The following ARHGEF10L variants were observed in gnomAD, a reference collection of about 807,000 sequenced individuals.
ARHGEF10L encodes Rho guanine nucleotide exchange factor 10 like, also known as rho guanine nucleotide exchange factor 10-like protein.
In ARHGEF10L, 69 loss-of-function variants were observed where a neutral mutation model predicts 141.2. That is an observed-to-expected ratio of 0.49 (90% CI 0.40 to 0.60). The LOEUF (loss-of-function observed/expected upper bound fraction) is 0.60. ARHGEF10L is among the 20% of genes least tolerant of loss of function. The pLI is 0.00. For missense variants in ARHGEF10L, 1,482 were observed against 1,734.3 expected (o/e 0.85, Z 2.58); for synonymous variants, 711 against 718.5 (o/e 0.99, Z 0.17).
At chr1:17,543,380 C>T (rs914471188) in intron 1 of ARHGEF10L, among the ~76,000 whole-genome samples, 1 of 152,004 alleles carries the variant, frequency 6.6e-6, no homozygotes, top group African/African-American at 2.4e-5. Context: ...GTCGGGAGTT[C>T]GAGACTAGCC....
chr1:17,572,162 C>CG (rs1003332652), intron 1 of ARHGEF10L, among the ~76,000 whole-genome samples: 6 of 152,160 alleles, frequency 3.9e-5, no homozygotes, highest in Admixed American at 1.3e-4. Context: ...TCTTTGCTTG[C>CG]GGGGGTCAGT....
chr1:17,614,607 C>T (rs2059709056), intron 8 of ARHGEF10L, among the ~76,000 whole-genome samples: 1 of 152,104 alleles, frequency 6.6e-6, no homozygotes, highest in Admixed American at 6.5e-5. Flanking sequence ...CCCCTCCTCC[C>T]ACCCCCCAAC....
rs962180790 is a variant in ARHGEF10L, at chr1:17,569,776, G to C, written c.-43-10777G>C. On this transcript the variant is annotated intron_variant, in intron 1 of 28. Transcript: ENST00000361221. Reference sequence around the variant, plus strand: ...CTGGGGTATGTGCCTGCCTGGTGACGGTGGCAGCCGCGGAGGCTCGCGGAT... The same window carrying C: ...CTGGGGTATGTGCCTGCCTGGTGACCGTGGCAGCCGCGGAGGCTCGCGGAT... Among the ~76,000 whole-genome samples, 5 of 152,226 alleles carry C rather than the reference G, an allele frequency of 3.3e-5. No homozygotes were observed. The South Asian group carries it at 8.3e-4, about 25-fold the overall frequency.
chr1:17,679,225 G>A (rs2063922102), intron 26 of ARHGEF10L, among the ~76,000 whole-genome samples: 1 of 152,194 alleles, frequency 6.6e-6, no homozygotes, highest in Non-Finnish European at 1.5e-5. Context: ...CTGGGAAGAG[G>A]TGGACTGGTC....
At chr1:17,668,629 G>A (rs530004555) in intron 26 of ARHGEF10L, among the ~76,000 whole-genome samples, 88 of 152,328 alleles carry the variant, frequency 5.8e-4, no homozygotes, top group African/African-American at 2.1e-3. Context: ...TGGCTGGAGG[G>A]AGGCGAGATG....
rs989898809 is a variant in ARHGEF10L at position 17,636,262 on chromosome 1, G to A, written c.1927+1246G>A. Among the ~76,000 whole-genome samples the A allele has an allele frequency of 2.0e-5, 3 of 152,150 alleles. No homozygotes were observed. In the East Asian group the frequency reaches 5.8e-4, roughly 29 times the overall value. On this transcript the variant is annotated intron_variant, in intron 18 of 28. Coordinates refer to ENST00000361221, the MANE Select transcript of ARHGEF10L (RefSeq NM_018125.4). ...ATTCCTCAAACCAGAGTCACGTACT[G>A]CCAGACCCCTTCGAAAGGGGAAAGA...
In ARHGEF10L at chr1:17,634,897, C is replaced by T. The variant is rs143147822; in HGVS notation, c.1808C>T (p.Thr603Met). 106 of 1,613,962 alleles carry T rather than the reference C, an allele frequency of 6.6e-5. No individual in the cohort carries two copies. Among genetic ancestry groups the T allele is most frequent in the Middle Eastern group, 1.6e-4 (1 of 6,084 alleles). Residue 603 changes from threonine (T) to methionine (M), a missense_variant, in exon 18 of 29, where the codon ACG (threonine) becomes ATG (methionine). This residue lies in a region of ARHGEF10L where 858 missense variants were observed against 966.3 expected (regional missense o/e 0.89). Transcript: ENST00000361221. The part of the protein sequence containing the change: ...LGPKYVVKWN[T>M]ALPQVQVVEV... ...CCCAAGTATGTGGTGAAGTGGAACACGGCGCTGCCCCAGGTGCAGGTGGTG... is the reference window on the plus strand; with the variant it reads ...CCCAAGTATGTGGTGAAGTGGAACATGGCGCTGCCCCAGGTGCAGGTGGTG...
chr1:17,604,006 G>A (rs755840776), intron 6 of ARHGEF10L, among the ~76,000 whole-genome samples: 1 of 152,192 alleles, frequency 6.6e-6, no homozygotes, highest in Non-Finnish European at 1.5e-5. Context: ...TGGGCAGGCA[G>A]GCAGGCGATT....
At chr1:17,660,148 G>A (rs964075191) in intron 25 of ARHGEF10L, among the ~76,000 whole-genome samples, 6 of 152,246 alleles carry the variant, frequency 3.9e-5, no homozygotes, top group African/African-American at 1.4e-4. Context: ...TGTCCTTGCT[G>A]GCGTGCTACC....
chr1:17,565,853 C>T (rs1266072338), intron 1 of ARHGEF10L, among the ~76,000 whole-genome samples: 7 of 152,138 alleles, frequency 4.6e-5, no homozygotes, highest in Admixed American at 4.6e-4. Flanking sequence ...ACATATTCCC[C>T]CTCCCTCCCT....
In ARHGEF10L at chr1:17,634,891, G is replaced by A. The variant is rs2060909590; in HGVS notation, c.1802G>A (p.Trp601Ter). ...CTGGGGCCCAAGTATGTGGTGAAGT[G>A]GAACACGGCGCTGCCCCAGGTGCAG... ...VPLGPKYVVK[W>*]NTALPQVQVV... Residue 601 changes from tryptophan to a stop codon, truncating the protein, a stop_gained, in exon 18 of 29, where the codon TGG becomes TAG. Coordinates refer to ENST00000361221, the MANE Select transcript of ARHGEF10L (RefSeq NM_018125.4). LOFTEE classifies it high-confidence loss of function. The A allele has an allele frequency of 1.2e-6, 2 of 1,614,116 alleles. No homozygotes were observed. Among genetic ancestry groups the A allele is most frequent in the Non-Finnish European group, 1.7e-6 (2 of 1,179,988 alleles).
At position 17,561,931 on chromosome 1, in the gene ARHGEF10L, A is replaced by G. The variant is rs114105913; in HGVS notation, c.-43-18622A>G. ...CCAAGGGAGGCCGAGCAAAGGCATC[A>G]GAGCTGCACAGACCTGGGCCATAGC... On this transcript the variant is annotated intron_variant, in intron 1 of 28. Transcript: ENST00000361221. Among the ~76,000 whole-genome samples the G allele has an allele frequency of 6.0e-3, 908 of 152,354 alleles. 9 individuals are homozygous for G. Among genetic ancestry groups the G allele is most frequent in the African/African-American group, 0.021 (853 of 41,578 alleles).
intron 16 of ARHGEF10L, 61 bp downstream of exon 16, chr1:17,632,527 C>T (rs1332361692): frequency 3.1e-6 from 5 of 1,605,710 alleles, no homozygotes; most frequent in Non-Finnish European, 4.3e-6. Context: ...TCCCGCCCTA[C>T]TCCAGTCTCT....
intron 16 of ARHGEF10L, among the ~76,000 whole-genome samples, chr1:17,633,630 G>A (rs1473424466): frequency 6.6e-6 from 1 of 152,112 alleles, no homozygotes; most frequent in Non-Finnish European, 1.5e-5. Context: ...GGGATTACAG[G>A]CGTAAGCCAC....
chr1:17,679,902 C>T lies in ARHGEF10L; in HGVS notation c.3010-7671C>T, dbSNP rs1035411538. ...TGATCGTGGGTGATCTCTGGGCCCA[C>T]GACTGTGTCTCCCAGGGCCAGCTCG... On this transcript the variant is annotated intron_variant, in intron 26 of 28. Transcript: ENST00000361221. 4.6e-5 allele frequency among the ~76,000 whole-genome samples: 7 copies of T among 152,112 alleles called. No individual in the cohort carries two copies. In the East Asian group the frequency reaches 7.7e-4, roughly 17 times the overall value.
At position 17,667,207 on chromosome 1, in the gene ARHGEF10L, G is replaced by C. The variant is rs1001464594; in HGVS notation, c.3009+2612G>C. On this transcript the variant is annotated intron_variant, in intron 26 of 28. Transcript: ENST00000361221. ...CAGGGCAGTGGTGTGAGGAGGAAAG[G>C]AGGCCCAGCCTGCTCTGGGGGTCTC... Among the ~76,000 whole-genome samples, 10 of 152,228 alleles carry C rather than the reference G, an allele frequency of 6.6e-5. 1 individual carries two copies. Among genetic ancestry groups the C allele is most frequent in the African/African-American group, 2.4e-4 (10 of 41,474 alleles).
intron 1 of ARHGEF10L, among the ~76,000 whole-genome samples, chr1:17,549,516 C>G (rs368188486): frequency 6.6e-6 from 1 of 152,048 alleles, no homozygotes; most frequent in East Asian, 1.9e-4. Flanking sequence ...AGGGAGGCCT[C>G]TCTGAAGAGA....
At chr1:17,606,614 T>A (rs941998968) in intron 6 of ARHGEF10L, among the ~76,000 whole-genome samples, 8 of 150,812 alleles carry the variant, frequency 5.3e-5, no homozygotes, top group African/African-American at 1.7e-4. Flanking sequence ...TTTTTTTTTT[T>A]TAAAAAAACA....
chr1:17,570,950 TC>T (rs905540653), intron 1 of ARHGEF10L, among the ~76,000 whole-genome samples: 2 of 151,994 alleles, frequency 1.3e-5, no homozygotes, highest in African/African-American at 2.4e-5. Context: ...GGAGCAGGGT[TC>T]TTTGTTCTGG....
Sources: allele counts gnomAD v4.1 joint callset (sites outside exome capture counted in the v4.1 genomes callset), GRCh38; gene constraint gnomAD v4.1.1; regional missense constraint gnomAD v4.1.1; transcripts MANE v1.5; gene names NCBI Gene and HGNC (gene_info 2026-07-23, HGNC 2026-07-21).